PRKCE: variants seen among roughly 807,000 people sequenced by gnomAD.
The protein encoded by PRKCE is protein kinase C epsilon type.
In PRKCE, 16 loss-of-function variants were observed where a neutral mutation model predicts 85.4. The observed-to-expected ratio is 0.19, with a 90% CI of 0.13 to 0.28. The LOEUF (loss-of-function observed/expected upper bound fraction) is 0.28. PRKCE is among the 10% of genes least tolerant of loss of function. PRKCE has a pLI of 1.00. For missense variants in PRKCE, 573 were observed against 975.2 expected (o/e 0.59, Z 5.49); for synonymous variants, 388 against 371.5 (o/e 1.04, Z -0.51).
intron 11 of PRKCE, among the ~76,000 whole-genome samples, chr2:46,104,797 T>TA (rs1274762989): frequency 6.6e-6 from 1 of 152,116 alleles, no homozygotes; most frequent in Non-Finnish European, 1.5e-5. Flanking sequence ...CTAGAAAAAG[T>TA]GTTCTTGTCC....
At chr2:46,078,745 A>G (rs1197447582) in intron 10 of PRKCE, 1 of 152,174 alleles carries the variant, frequency 6.6e-6, no homozygotes, top group Non-Finnish European at 1.5e-5. Context: ...TTGTGCTTCT[A>G]ATTTGCCAGG....
intron 10 of PRKCE, chr2:46,078,154 C>CT (rs1243572123): frequency 1.3e-5 from 2 of 152,168 alleles, no homozygotes; most frequent in Non-Finnish European, 2.9e-5. Context: ...TAACTTCAGG[C>CT]TGCCTTCTTC....
chr2:46,054,848 A>C (rs901563731), intron 10 of PRKCE, among the ~76,000 whole-genome samples: 7 of 150,182 alleles, frequency 4.7e-5, no homozygotes, highest in Admixed American at 2.7e-4. Flanking sequence ...CAGAGAGAAG[A>C]AGCAGCTGTG....
intron 2 of PRKCE, among the ~76,000 whole-genome samples, chr2:45,916,122 A>C (rs1033035342): frequency 6.6e-6 from 1 of 152,056 alleles, no homozygotes; most frequent in African/African-American, 2.4e-5. Flanking sequence ...TGTCTGATGG[A>C]TTTCATGTTA....
In PRKCE at chr2:46,086,347, A is replaced by G. The variant is rs1669637247; in HGVS notation, c.1577A>G (p.His526Arg). The change falls in exon 11 of 15, where the codon CAT (histidine) becomes CGT (arginine). Residue 526 changes from histidine (H) to arginine (R), a missense_variant. His to Arg is a conservative substitution (Grantham distance 29). Coordinates refer to ENST00000306156, the MANE Select transcript of PRKCE (RefSeq NM_005400.3). Reference sequence around the variant, plus strand: ...TCGGCCCTCATGTTCCTCCACCAGCATGGAGTCATCTACAGGTAGCCTCTT... The same window carrying G: ...TCGGCCCTCATGTTCCTCCACCAGCGTGGAGTCATCTACAGGTAGCCTCTT... ...VTSALMFLHQHGVIYRDLKLD... is the reference protein window; with the variant it reads ...VTSALMFLHQRGVIYRDLKLD... 6.3e-7 allele frequency: 1 copy of G among 1,599,328 alleles called. No individual in the cohort carries two copies. Among genetic ancestry groups the G allele is most frequent in the Non-Finnish European group, 8.5e-7 (1 of 1,179,780 alleles).
At position 46,001,865 on chromosome 2, in the gene PRKCE, CT is replaced by C. The variant is rs1704711502; in HGVS notation, c.966+320del. Among the ~76,000 whole-genome samples the C allele has an allele frequency of 6.6e-6, 1 of 152,208 alleles. No individual in the cohort carries two copies. Among genetic ancestry groups the C allele is most frequent in the African/African-American group, 2.4e-5 (1 of 41,452 alleles). Reference sequence around the variant, plus strand: ...ACTCCATACAAGGAAATGGACTTATCTGCTTCCAGAACTGGCATGAAAGCAA... The same window carrying C: ...ACTCCATACAAGGAAATGGACTTATCGCTTCCAGAACTGGCATGAAAGCAA... On this transcript the variant is annotated intron_variant, in intron 7 of 14. Transcript: ENST00000306156. This position sits in a 1 kb window ranked among gnomAD's most constrained non-coding sequence, Gnocchi z 4.4.
At chr2:45,768,073 T>C in intron 1 of PRKCE, among the ~76,000 whole-genome samples, 1 of 152,194 alleles carries the variant, frequency 6.6e-6, no homozygotes, top group East Asian at 1.9e-4. Context: ...CCAGGGTTCA[T>C]GAGTGGTTAC....
At chr2:45,870,751 CT>C (rs1391926554) in intron 2 of PRKCE, among the ~76,000 whole-genome samples, 3 of 152,216 alleles carry the variant, frequency 2.0e-5, no homozygotes, top group African/African-American at 4.8e-5. Context: ...GGGCAGACTT[CT>C]TTAATGGTTC....
chr2:46,145,090 C>T lies in PRKCE; in HGVS notation c.1593-3C>T, dbSNP rs200297610. ...GACATTATGGTCCTGGCCTATCTTGCAGGGATTTGAAACTGGACAACATCC... is the reference window on the plus strand; with the variant it reads ...GACATTATGGTCCTGGCCTATCTTGTAGGGATTTGAAACTGGACAACATCC... On this transcript the variant is annotated splice_region_variant and splice_polypyrimidine_tract_variant and intron_variant, in intron 11 of 14. Transcript: ENST00000306156. The surrounding 1 kb of genome is among the most constrained non-coding windows in gnomAD (Gnocchi z 4.6). 1.3e-6 allele frequency: 2 copies of T among 1,599,696 alleles called. No individual in the cohort carries two copies. The highest frequency in any genetic ancestry group is 2.7e-5 in the African/African-American group (2 of 75,018).
intron 2 of PRKCE, among the ~76,000 whole-genome samples, chr2:45,929,724 C>A (rs1698894515): frequency 6.6e-6 from 1 of 152,136 alleles, no homozygotes. Flanking sequence ...ATCTTCCCCC[C>A]ACCCCCAGGA....
intron 1 of PRKCE, chr2:45,686,385 A>AC (rs1677300965): frequency 6.6e-6 from 1 of 152,160 alleles, no homozygotes. Flanking sequence ...GCCTTTATTC[A>AC]CCATTTTTCT....
chr2:45,822,543 C>A (rs1186732574), intron 1 of PRKCE, among the ~76,000 whole-genome samples: 2 of 152,226 alleles, frequency 1.3e-5, no homozygotes, highest in East Asian at 1.9e-4. Context: ...TCTGCACAGT[C>A]ACTCTCTTCC....
chr2:45,716,619 A>G (rs555686853), intron 1 of PRKCE, among the ~76,000 whole-genome samples: 40 of 140,624 alleles, frequency 2.8e-4, no homozygotes, highest in South Asian at 1.4e-3. Context: ...AAGAAGAAGA[A>G]GAAGGAGAAG....
intron 1 of PRKCE, among the ~76,000 whole-genome samples, chr2:45,659,861 C>G (rs1297235519): frequency 6.8e-6 from 1 of 148,038 alleles, no homozygotes; most frequent in Non-Finnish European, 1.5e-5. Flanking sequence ...ACTCTTTACT[C>G]TTACCTCTAT....
At position 45,858,180 on chromosome 2, in the gene PRKCE, C is replaced by T. The variant is rs539289247; in HGVS notation, c.412+15117C>T. 2.0e-5 allele frequency among the ~76,000 whole-genome samples: 3 copies of T among 152,354 alleles called. No individual in the cohort carries two copies. The East Asian group carries it at 5.8e-4, about 29-fold the overall frequency. On this transcript the variant is annotated intron_variant, in intron 2 of 14. Transcript: ENST00000306156. ...CTCAGGCCACTCAACCTCTCCCTGC[C>T]TGTAACGATGGCCCTTCTAGCCGCG...
In PRKCE at chr2:46,159,726, A is replaced by G. The variant is rs756649262; in HGVS notation, c.2041A>G (p.Ile681Val). Reference sequence around the variant, plus strand: ...CTGGGTGCTCCTGGAGCAGAAGAAGATCAAGCCACCCTTCAAACCACGCAT... The same window carrying G: ...CTGGGTGCTCCTGGAGCAGAAGAAGGTCAAGCCACCCTTCAAACCACGCAT... Reference protein sequence around the residue: ...IDWVLLEQKKIKPPFKPRIKT... With the variant: ...IDWVLLEQKKVKPPFKPRIKT... Residue 681 changes from isoleucine to valine, a missense_variant, in exon 14 of 15, where the codon ATC becomes GTC. Ile to Val is a conservative substitution (Grantham distance 29). Transcript: ENST00000306156. The surrounding 1 kb of genome is among the most constrained non-coding windows in gnomAD (Gnocchi z 4.1). 5.0e-6 allele frequency: 8 copies of G among 1,599,188 alleles called. No homozygotes were observed. In the African/African-American group the frequency reaches 9.3e-5, roughly 19 times the overall value.
At chr2:46,111,542 C>A (rs996306664) in intron 11 of PRKCE, among the ~76,000 whole-genome samples, 1 of 152,170 alleles carries the variant, frequency 6.6e-6, no homozygotes, top group Admixed American at 6.5e-5. Flanking sequence ...TACCTAGTTT[C>A]CTTTTAGATT....
At chr2:45,988,353 G>A (rs1385347682) in intron 6 of PRKCE, among the ~76,000 whole-genome samples, 1 of 152,196 alleles carries the variant, frequency 6.6e-6, no homozygotes, top group African/African-American at 2.4e-5. Flanking sequence ...GTCTAAAACT[G>A]TCTGAGCCAC....
At chr2:46,116,784 TAGG>T (rs1307753507) in intron 11 of PRKCE, among the ~76,000 whole-genome samples, 51 of 151,870 alleles carry the variant, frequency 3.4e-4, no homozygotes, top group African/African-American at 1.2e-3. Context: ...GCTAGAGAAA[TAGG>T]AGGAGTAAAA....
Sources: gnomAD v4.1 joint callset for allele counts (sites outside exome capture counted in the v4.1 genomes callset) on GRCh38, gnomAD v4.1.1 for gene constraint, Gnocchi (gnomAD v3.1) non-coding constraint, MANE v1.5 for transcripts, NCBI Gene and HGNC (gene_info 2026-07-23, HGNC 2026-07-21) for gene names.